Variants in MCU observed in about 807,000 individuals in gnomAD.
MCU encodes calcium uniporter protein, mitochondrial.
A neutral mutation model predicts 45.2 loss-of-function variants in MCU; 12 were observed. That is an observed-to-expected ratio of 0.27 (90% CI 0.17 to 0.43). MCU has a LOEUF of 0.43. Among genes scored for constraint, MCU ranks in the 20% least tolerant of loss-of-function variants. The probability of loss-of-function intolerance (pLI) is 1.00; values close to 1 mark genes in which losing one functional copy is unlikely to be tolerated. For missense variants in MCU, 324 were observed against 436.7 expected, an observed-to-expected ratio of 0.74 and a Z score of 2.30; for synonymous variants, 160 against 165.1, an observed-to-expected ratio of 0.97 and a Z score of 0.24.
intron 1 of MCU, among the ~76,000 whole-genome samples, chr10:72,724,770 A>G (rs1221553654): frequency 6.6e-6 from 1 of 152,200 alleles, no homozygotes. Context: ...CTCTTATTAG[A>G]TCAGCTTCAA....
intron 1 of MCU, among the ~76,000 whole-genome samples, chr10:72,800,311 G>T (rs1844319385): frequency 6.6e-6 from 1 of 152,128 alleles, no homozygotes; most frequent in African/African-American, 2.4e-5. Context: ...TTAAAATATT[G>T]TATAAAGTTA....
chr10:72,879,661 A>T (rs988073384), intron 6 of MCU, among the ~76,000 whole-genome samples: 3 of 152,244 alleles, frequency 2.0e-5, no homozygotes, highest in Non-Finnish European at 4.4e-5. Flanking sequence ...AGCAACAAAA[A>T]TGGTAAACCT....
At chr10:72,804,711 T>C (rs1406364924) in intron 1 of MCU, among the ~76,000 whole-genome samples, 2 of 152,246 alleles carry the variant, frequency 1.3e-5, no homozygotes, top group Non-Finnish European at 2.9e-5. Flanking sequence ...ATCAGTTCTA[T>C]TTTGTGTGAT....
intron 1 of MCU, among the ~76,000 whole-genome samples, chr10:72,787,303 C>G (rs1436615334): frequency 1.3e-5 from 2 of 152,238 alleles, no homozygotes; most frequent in Admixed American, 1.3e-4. Flanking sequence ...GAATCTCGCT[C>G]TGTCGCCCAG....
chr10:72,701,847 C>G (rs1433301530), intron 1 of MCU, among the ~76,000 whole-genome samples: 1 of 151,982 alleles, frequency 6.6e-6, no homozygotes, highest in African/African-American at 2.4e-5. Flanking sequence ...GACTACATTT[C>G]TTAAATTTCT....
intron 1 of MCU, among the ~76,000 whole-genome samples, chr10:72,785,733 G>A (rs1844062313): frequency 6.6e-6 from 1 of 151,954 alleles, no homozygotes; most frequent in South Asian, 2.1e-4. Flanking sequence ...TTTTCATCTT[G>A]GTTTAATTTG....
At chr10:72,749,045 T>C (rs1225013979) in intron 1 of MCU, among the ~76,000 whole-genome samples, 1 of 152,200 alleles carries the variant, frequency 6.6e-6, no homozygotes, top group African/African-American at 2.4e-5. Flanking sequence ...GAGGATTGTT[T>C]GAGCCCAGGA....
intron 1 of MCU, among the ~76,000 whole-genome samples, chr10:72,797,997 C>G (rs964483511): frequency 6.6e-6 from 1 of 151,964 alleles, no homozygotes; most frequent in African/African-American, 2.4e-5. Flanking sequence ...ATCTAACTTC[C>G]ATGAGCTTCA....
At chr10:72,824,048 C>A (rs995469041) in intron 1 of MCU, among the ~76,000 whole-genome samples, 2 of 152,066 alleles carry the variant, frequency 1.3e-5, no homozygotes, top group Non-Finnish European at 2.9e-5. Context: ...GAGACCCTGT[C>A]CTCCCTTAGT....
chr10:72,745,681 G>T (rs1369921401), intron 1 of MCU, among the ~76,000 whole-genome samples: 1 of 151,748 alleles, frequency 6.6e-6, no homozygotes, highest in Non-Finnish European at 1.5e-5. Flanking sequence ...TTATAATATG[G>T]TATATTACCA....
chr10:72,803,084 C>G (rs1290477009), intron 1 of MCU, among the ~76,000 whole-genome samples: 3 of 152,160 alleles, frequency 2.0e-5, no homozygotes, highest in Non-Finnish European at 2.9e-5. Flanking sequence ...AGAAGATAGG[C>G]TTAAAACAGA....
At chr10:72,862,536 C>T (rs991461825) in intron 4 of MCU, among the ~76,000 whole-genome samples, 3 of 152,132 alleles carry the variant, frequency 2.0e-5, no homozygotes, top group Non-Finnish European at 2.9e-5. Context: ...TCATAAGAAG[C>T]GCACAACCTA....
chr10:72,728,391 A>G (rs887603501), intron 1 of MCU, among the ~76,000 whole-genome samples: 1 of 152,232 alleles, frequency 6.6e-6, no homozygotes, highest in Non-Finnish European at 1.5e-5. Context: ...TTGATTATTA[A>G]TAAACTATGG....
rs59028044 is a variant in MCU at position 72,742,022 on chromosome 10, C to CAAAAAAA, written c.150+49738_150+49744dup. On this transcript the variant is annotated intron_variant, in intron 1 of 7. Coordinates refer to ENST00000373053, the MANE Select transcript of MCU (RefSeq NM_138357.3). ...TGGGCGACAGAGCAAGACTCCGTCT[C>CAAAAAAA]AAAAAAAAAAAAAAAAAAAAAAACA... Among the ~76,000 whole-genome samples the CAAAAAAA allele has an allele frequency of 2.3e-3, 168 of 72,790 alleles. 1 individual carries two copies. Among genetic ancestry groups the CAAAAAAA allele is most frequent in the African/African-American group, 3.0e-3 (54 of 17,934 alleles). The allele number at this position is 72,790 out of a possible 152,430, so 47.8% of individuals were successfully genotyped here.
Position 72,834,412 on chromosome 10 carries a change from T to C in MCU, c.204T>C (p.Thr68=). 1 of 1,613,762 alleles carries C rather than the reference T, an allele frequency of 6.2e-7. No homozygotes were observed. The change falls in exon 2 of 8, where the codon ACT becomes ACC. Residue 68 remains threonine (T), a synonymous_variant. Transcript: ENST00000373053. ...WQNLGAVYCS[T]VVPSDDVTVV... ...ATTTGGGAGCTGTTTATTGCAGCACTGTTGTGCCCTCTGATGGTGAGTTTC... is the reference window on the plus strand; with the variant it reads ...ATTTGGGAGCTGTTTATTGCAGCACCGTTGTGCCCTCTGATGGTGAGTTTC...
chr10:72,880,478 C>G (rs1394744392), intron 6 of MCU, among the ~76,000 whole-genome samples: 3 of 139,018 alleles, frequency 2.2e-5, no homozygotes, highest in Admixed American at 1.5e-4. Flanking sequence ...GAAGGCAAAG[C>G]GGGGGGGGGG....
chr10:72,707,814 G>C (rs775038731), intron 1 of MCU, among the ~76,000 whole-genome samples: 2 of 152,136 alleles, frequency 1.3e-5, no homozygotes, highest in Non-Finnish European at 2.9e-5. Flanking sequence ...GCTTGATTAG[G>C]TGAACCTAAA....
At chr10:72,721,644 G>A (rs1345048549) in intron 1 of MCU, among the ~76,000 whole-genome samples, 2 of 152,028 alleles carry the variant, frequency 1.3e-5, no homozygotes, top group African/African-American at 2.4e-5. Context: ...TCCCTCTTGA[G>A]TCTCTGCTGA....
At chr10:72,719,034 G>T (rs567989974) in intron 1 of MCU, among the ~76,000 whole-genome samples, 27 of 152,250 alleles carry the variant, frequency 1.8e-4, no homozygotes, top group African/African-American at 6.0e-4. Context: ...GTAATGTTCT[G>T]TCTCTTGGTT....
Sources: allele counts gnomAD v4.1 joint callset (sites outside exome capture counted in the v4.1 genomes callset), GRCh38; gene constraint gnomAD v4.1.1; transcripts MANE v1.5; gene names NCBI Gene and HGNC (gene_info 2026-07-23, HGNC 2026-07-21).